Variants in TRPC4AP observed in about 807,000 individuals in gnomAD.
TRPC4AP encodes short transient receptor potential channel 4-associated protein.
In TRPC4AP, 45 loss-of-function variants were observed where a neutral mutation model predicts 99.0. The ratio of observed to expected loss-of-function variants is 0.45; its 90% confidence interval spans 0.36 to 0.58. The LOEUF is 0.58. Ranked by LOEUF, TRPC4AP falls within the 20% of genes least tolerant of loss-of-function variation. TRPC4AP has a pLI of 0.00. For synonymous variants in TRPC4AP, 408 were observed against 385.8 expected, an observed-to-expected ratio of 1.06 and a Z score of -0.67; for missense variants, 879 against 985.3, an observed-to-expected ratio of 0.89 and a Z score of 1.44.
chr20:35,086,455 G>C (rs55703444), intron 1 of TRPC4AP, among the ~76,000 whole-genome samples: 6 of 87,048 alleles, frequency 6.9e-5, no homozygotes, highest in African/African-American at 2.3e-4. Flanking sequence ...GTGTGTGTGT[G>C]TGTGTGTGTG....
In TRPC4AP at chr20:35,069,278, T is replaced by C; in HGVS notation, c.414+18A>G. 3 of 1,423,232 alleles carry C rather than the reference T, an allele frequency of 2.1e-6. No individual in the cohort carries two copies. The highest frequency in any genetic ancestry group is 3.0e-6 in the Non-Finnish European group (3 of 1,012,444). 88.2% of individuals were successfully genotyped at this position (1,423,232 alleles called of 1,614,324 possible). A position where few individuals can be genotyped will look rare whatever the true frequency, so the allele number is the denominator to read the frequency against. Reference sequence around the variant, plus strand: ...TAAGCAGTAGTAACAGCAGTAGTAATAATAAATAGCTACTTACATCAACAC... The same window carrying C: ...TAAGCAGTAGTAACAGCAGTAGTAACAATAAATAGCTACTTACATCAACAC... On this transcript the variant is annotated intron_variant, in intron 3 of 18. Transcript: ENST00000252015.
intron 3 of TRPC4AP, among the ~76,000 whole-genome samples, chr20:35,065,835 C>T (rs2084129911): frequency 6.6e-6 from 1 of 152,154 alleles, no homozygotes. Context: ...TATTATTTTT[C>T]CTCCCATAAA....
rs10665320 is a variant in TRPC4AP, at chr20:35,024,144, T to TTTTA, written c.1052-2789_1052-2788insTAAA. On this transcript the variant is annotated intron_variant, in intron 8 of 18. Coordinates refer to ENST00000252015, the MANE Select transcript of TRPC4AP (RefSeq NM_015638.3). Reference sequence around the variant, plus strand: ...ATGCACACTCACTTTTTTTTTTTTTTAACAGCTTTGAGGTACAATTCACAT... The same window carrying TTTTA: ...ATGCACACTCACTTTTTTTTTTTTTTTTTAAACAGCTTTGAGGTACAATTCACAT... 2.6e-5 allele frequency among the ~76,000 whole-genome samples: 4 copies of TTTTA among 151,710 alleles called. No individual in the cohort carries two copies. The East Asian group carries it at 5.8e-4, about 22-fold the overall frequency.
chr20:35,002,921 C>G lies in TRPC4AP; in HGVS notation c.*225G>C, dbSNP rs2082423902. ...CCCAGGGTTCTGAAGGAAAGGTGGGCATGGTACCCTGTCCTCATTATGGGG... is the reference window on the plus strand; with the variant it reads ...CCCAGGGTTCTGAAGGAAAGGTGGGGATGGTACCCTGTCCTCATTATGGGG... On this transcript the variant is annotated 3_prime_UTR_variant, in exon 19 of 19. Transcript: ENST00000252015. 7.4e-6 allele frequency: 4 copies of G among 539,898 alleles called. No individual in the cohort carries two copies. The East Asian group carries it at 1.3e-4, about 18-fold the overall frequency. 33.4% of individuals were successfully genotyped at this position (539,898 alleles called of 1,614,324 possible). A position where few individuals can be genotyped will look rare whatever the true frequency, so the allele number is the denominator to read the frequency against.
chr20:35,021,420 G>A (rs954323519), intron 8 of TRPC4AP, 64 bp from the exon 9 acceptor site: 41 of 1,569,464 alleles, frequency 2.6e-5, no homozygotes, highest in Non-Finnish European at 2.9e-5. Flanking sequence ...TCTGCCCCTC[G>A]AACCTGCTCT....
chr20:35,089,745 A>G (rs763952972), intron 1 of TRPC4AP, among the ~76,000 whole-genome samples: 1 of 152,168 alleles, frequency 6.6e-6, no homozygotes, highest in Non-Finnish European at 1.5e-5. Flanking sequence ...GCTACTCAGG[A>G]GGCTGAGGCA....
At chr20:35,037,715 C>G (rs144689243) in intron 7 of TRPC4AP, among the ~76,000 whole-genome samples, 1 of 152,272 alleles carries the variant, frequency 6.6e-6, no homozygotes, top group East Asian at 1.9e-4. Context: ...AACGCTGTTG[C>G]GGTCAACAAC....
At chr20:35,084,661 T>C (rs934745929) in intron 1 of TRPC4AP, among the ~76,000 whole-genome samples, 1 of 129,418 alleles carries the variant, frequency 7.7e-6, no homozygotes, top group Non-Finnish European at 1.6e-5. Context: ...TATATGCATA[T>C]ATGTGTATAT....
At chr20:35,065,218 T>C (rs2084112460) in intron 3 of TRPC4AP, among the ~76,000 whole-genome samples, 1 of 152,216 alleles carries the variant, frequency 6.6e-6, no homozygotes, top group Admixed American at 6.5e-5. Flanking sequence ...GGAAGATTTT[T>C]ACCTACAAAT....
intron 5 of TRPC4AP, among the ~76,000 whole-genome samples, chr20:35,050,796 T>A (rs1377805820): frequency 6.6e-6 from 1 of 151,758 alleles, no homozygotes; most frequent in Non-Finnish European, 1.5e-5. Context: ...GGAAACTAGC[T>A]GGTAAAAGAC....
chr20:35,087,338 C>CA (rs11483432), intron 1 of TRPC4AP, among the ~76,000 whole-genome samples: 35,537 of 111,146 alleles, frequency 0.32, 5,514 homozygotes, highest in African/African-American at 0.45. Context: ...GACTCCATCT[C>CA]AAAAAAAAAA....
chr20:35,005,647 G>A, intron 16 of TRPC4AP, 48 bp downstream of exon 16: 1 of 1,538,838 alleles, frequency 6.5e-7, no homozygotes, highest in Non-Finnish European at 9.0e-7. Context: ...TCTGATGCCA[G>A]CATTCTTACC....
chr20:35,053,042 A>AT (rs1330929482), intron 5 of TRPC4AP, among the ~76,000 whole-genome samples: 1 of 152,182 alleles, frequency 6.6e-6, no homozygotes, highest in Non-Finnish European at 1.5e-5. Context: ...TTTTTAAAAA[A>AT]TTTTATTTAA....
At chr20:35,053,752 T>A (rs2083756006) in intron 5 of TRPC4AP, among the ~76,000 whole-genome samples, 1 of 152,212 alleles carries the variant, frequency 6.6e-6, no homozygotes, top group South Asian at 2.1e-4. Flanking sequence ...ACTGATTACA[T>A]GTTAGAATGA....
intron 2 of TRPC4AP, among the ~76,000 whole-genome samples, chr20:35,071,417 G>A (rs1319688782): frequency 6.7e-6 from 1 of 149,734 alleles, no homozygotes; most frequent in Non-Finnish European, 1.5e-5. Context: ...ATCTCCTAAT[G>A]CTATCCCTCC....
At chr20:35,076,062 C>T (rs1336223992) in intron 2 of TRPC4AP, among the ~76,000 whole-genome samples, 1 of 152,196 alleles carries the variant, frequency 6.6e-6, no homozygotes, top group Non-Finnish European at 1.5e-5. Flanking sequence ...GCTACTGAAG[C>T]TTGTGCATGC....
intron 8 of TRPC4AP, among the ~76,000 whole-genome samples, chr20:35,030,712 C>T (rs1344727453): frequency 6.6e-6 from 1 of 152,158 alleles, no homozygotes; most frequent in South Asian, 2.1e-4. Flanking sequence ...CACCCGTTTT[C>T]TTTGTACAGT....
At chr20:35,048,094 C>T (rs2083601447) in intron 6 of TRPC4AP, among the ~76,000 whole-genome samples, 1 of 152,062 alleles carries the variant, frequency 6.6e-6, no homozygotes, top group South Asian at 2.1e-4. Context: ...TCAAGTTAAA[C>T]ATCTTCTCTT....
chr20:35,083,177 CTA>C (rs1339023010), intron 1 of TRPC4AP, among the ~76,000 whole-genome samples: 2 of 152,080 alleles, frequency 1.3e-5, no homozygotes, highest in Admixed American at 6.5e-5. Context: ...ATATAAAAAT[CTA>C]TCTTATTTTT....
Sources: gnomAD v4.1 joint callset for allele counts (sites outside exome capture counted in the v4.1 genomes callset) on GRCh38, gnomAD v4.1.1 for gene constraint, MANE v1.5 for transcripts, NCBI Gene and HGNC (gene_info 2026-07-23, HGNC 2026-07-21) for gene names.